Variants in RYR2 observed in about 807,000 individuals in gnomAD.
RYR2 encodes ryanodine receptor 2, also known as cardiac muscle ryanodine receptor-calcium release channel.
Under a neutral mutation model 601.1 loss-of-function variants are expected in RYR2, and 227 were observed. The ratio of observed to expected loss-of-function variants is 0.38; its 90% CI spans 0.34 to 0.42. The LOEUF (loss-of-function observed/expected upper bound fraction) is 0.42, where lower values mean the gene tolerates loss of function less well. Ranked by LOEUF, RYR2 falls within the 10% of genes least tolerant of loss-of-function variation. The pLI, the probability that RYR2 is intolerant of heterozygous loss-of-function variation, is 1.00. For missense variants in RYR2, 4,646 were observed against 6,156.5 expected (o/e 0.75, Z 8.21); for synonymous variants, 2,223 against 2,175.1 (o/e 1.02, Z -0.61).
chr1:237,705,358 T>C lies in RYR2; in HGVS notation c.9580+15T>C. ...AGAAAGAGCAGGTAACACAGAAACA[T>C]GTGCAGTGCTTTGAGATATGAAGCT... On this transcript the variant is annotated intron_variant, in intron 67 of 104. Coordinates refer to ENST00000366574, the MANE Select transcript of RYR2 (RefSeq NM_001035.3). 1 of 1,594,924 alleles carries C rather than the reference T, an allele frequency of 6.3e-7. No individual in the cohort carries two copies. The highest frequency in any genetic ancestry group is 2.2e-5 in the East Asian group (1 of 44,532).
intron 36 of RYR2, 124 bp from the exon 37 acceptor site, chr1:237,613,915 C>A: frequency 1.2e-6 from 1 of 816,198 alleles, no homozygotes; most frequent in Non-Finnish European, 1.9e-6. Flanking sequence ...GATGTTCAAC[C>A]TGCAGTGTCT....
Position 237,217,127 on chromosome 1 carries a change from C to A in RYR2, c.49-53370C>A, listed in dbSNP as rs140414567. On this transcript the variant is annotated intron_variant, in intron 1 of 104. Coordinates refer to ENST00000366574, the MANE Select transcript of RYR2 (RefSeq NM_001035.3). ...AGGAAGGGTGGCTTTTCTGGGGAGG[C>A]TTTTCTGATGGGGACCTCGACTGGT... Among the ~76,000 whole-genome samples, 563 of 152,220 alleles carry A rather than the reference C, an allele frequency of 3.7e-3. 3 individuals are homozygous for A. The highest frequency in any genetic ancestry group is 0.013 in the African/African-American group (532 of 41,524).
chr1:237,331,861 C>A (rs974660337), intron 3 of RYR2, among the ~76,000 whole-genome samples: 1 of 152,012 alleles, frequency 6.6e-6, no homozygotes. Flanking sequence ...TCTTTCAAAG[C>A]CTATTTGGTT....
At chr1:237,663,498 A>G (rs1684001037) in intron 56 of RYR2, among the ~76,000 whole-genome samples, 1 of 152,332 alleles carries the variant, frequency 6.6e-6, no homozygotes, top group African/African-American at 2.4e-5. Flanking sequence ...TAACGGCAGT[A>G]TCTGGCACAG....
rs961808445 is a variant in RYR2 at position 237,833,483 on chromosome 1, C to T, written c.*836C>T. The T allele has an allele frequency of 2.0e-5, 3 of 151,676 alleles. No individual in the cohort carries two copies. Among genetic ancestry groups the T allele is most frequent in the African/African-American group, 7.3e-5 (3 of 41,044 alleles). The allele number at this position is 151,676 out of a possible 1,614,324, so 9.4% of individuals were successfully genotyped here. On this transcript the variant is annotated 3_prime_UTR_variant, in exon 105 of 105. Coordinates refer to ENST00000366574, the MANE Select transcript of RYR2 (RefSeq NM_001035.3). ...CAAAAAATACACTTTCAAAAGAAAC[C>T]ATTCATTGCATGTTTATTATGCAAG...
rs117699183 is a variant in RYR2, at chr1:237,674,613, A to G, written c.8715-118A>G. On this transcript the variant is annotated intron_variant, in intron 59 of 104. Coordinates refer to ENST00000366574, the MANE Select transcript of RYR2 (RefSeq NM_001035.3). ...TAACATTAGAAAAACTTCAAAATTT[A>G]TATATATAGATAAACATATATGTAT... is the stretch of plus-strand genomic sequence containing the variant. 2,809 of 487,884 alleles carry G rather than the reference A, an allele frequency of 5.8e-3. 92 individuals carry two copies. Among genetic ancestry groups the G allele is most frequent in the Admixed American group, 0.057 (1,570 of 27,486 alleles). 30.2% of individuals were successfully genotyped at this position (487,884 alleles called of 1,614,324 possible).
In RYR2 at chr1:237,503,344, G is replaced by C; in HGVS notation, c.2452G>C (p.Gly818Arg). ...HGEFKFLPPP[G>R]YAPCYEAVLP... The stretch of plus-strand genomic sequence containing the variant: ...AGAATTCAAATTTCTTCCTCCACCT[G>C]GGTATGCTCCTTGTTATGAAGCTGT... Residue 818 changes from glycine (G) to arginine (R), a missense_variant, in exon 22 of 105, where the codon GGG becomes CGG. Physicochemically the swap from Gly to Arg is moderately radical, Grantham distance 125. Coordinates refer to ENST00000366574, the MANE Select transcript of RYR2 (RefSeq NM_001035.3). 6.2e-7 allele frequency: 1 copy of C among 1,613,846 alleles called. No homozygotes were observed. The highest frequency in any genetic ancestry group is 8.5e-7 in the Non-Finnish European group (1 of 1,179,858).
intron 49 of RYR2, among the ~76,000 whole-genome samples, chr1:237,649,570 T>C (rs980498661): frequency 1.3e-5 from 2 of 152,194 alleles, no homozygotes; most frequent in African/African-American, 4.8e-5. Flanking sequence ...ATCTGTGATA[T>C]TATTGTCTTC....
chr1:237,218,974 C>T (rs1683486449), intron 1 of RYR2, among the ~76,000 whole-genome samples: 3 of 151,898 alleles, frequency 2.0e-5, no homozygotes, highest in South Asian at 2.1e-4. Context: ...TAGCGGCTGA[C>T]CCACGTGATC....
chr1:237,130,247 C>T (rs1672015617), intron 1 of RYR2, among the ~76,000 whole-genome samples: 1 of 152,028 alleles, frequency 6.6e-6, no homozygotes, highest in African/African-American at 2.4e-5. Context: ...CTTTATAAAA[C>T]TGGGGGAAGA....
chr1:237,367,130 G>A (rs1004053305), intron 5 of RYR2, among the ~76,000 whole-genome samples: 8 of 152,016 alleles, frequency 5.3e-5, no homozygotes, highest in African/African-American at 7.2e-5. Context: ...ATCTCGCTCT[G>A]TTGCCCAGGC....
chr1:237,239,387 C>T (rs186644957), intron 1 of RYR2, among the ~76,000 whole-genome samples: 37 of 152,150 alleles, frequency 2.4e-4, no homozygotes, highest in African/African-American at 6.3e-4. Flanking sequence ...GTGAAATGCA[C>T]GGGGTTTTAT....
chr1:237,674,713 T>G lies in RYR2; in HGVS notation c.8715-18T>G. The G allele has an allele frequency of 6.7e-7, 1 of 1,488,286 alleles. No homozygotes were observed. The highest frequency in any genetic ancestry group is 2.3e-5 in the East Asian group (1 of 44,190). The allele number at this position is 1,488,286 out of a possible 1,614,324, so 92.2% of individuals were successfully genotyped here. On this transcript the variant is annotated intron_variant, in intron 59 of 104. Coordinates refer to ENST00000366574, the MANE Select transcript of RYR2 (RefSeq NM_001035.3). Reference sequence around the variant, plus strand: ...CTTTGTACAAATTGCTTTCCCATTTTCATTTTTGCTCTTCCAGAGGATTTA... The same window carrying G: ...CTTTGTACAAATTGCTTTCCCATTTGCATTTTTGCTCTTCCAGAGGATTTA...
intron 2 of RYR2, among the ~76,000 whole-genome samples, chr1:237,281,835 A>G (rs562587539): frequency 6.6e-6 from 1 of 152,374 alleles, no homozygotes; most frequent in South Asian, 2.1e-4. Context: ...TTGTAATAAC[A>G]GAGAACAGAA....
At chr1:237,331,991 T>G (rs1201652634) in intron 3 of RYR2, among the ~76,000 whole-genome samples, 1 of 152,178 alleles carries the variant, frequency 6.6e-6, no homozygotes, top group Non-Finnish European at 1.5e-5. Flanking sequence ...GTTTCCAGGT[T>G]TTTTAATTTT....
At chr1:237,593,350 A>G in intron 32 of RYR2, 126 bp from the exon 33 acceptor site, 5 of 850,880 alleles carry the variant, frequency 5.9e-6, no homozygotes, top group Non-Finnish European at 8.6e-6. Context: ...CATTCACCCA[A>G]ACGGTTTTAA....
chr1:237,234,991 T>G (rs1054854763), intron 1 of RYR2, among the ~76,000 whole-genome samples: 2 of 152,116 alleles, frequency 1.3e-5, no homozygotes, highest in Non-Finnish European at 2.9e-5. Flanking sequence ...AAAGCACTGA[T>G]GTAGTAACCC....
intron 41 of RYR2, among the ~76,000 whole-genome samples, chr1:237,629,554 A>C (rs574061076): frequency 5.3e-5 from 8 of 152,210 alleles, no homozygotes; most frequent in Non-Finnish European, 1.0e-4. Context: ...AAAAAAGCTG[A>C]TGTAGTTACA....
intron 1 of RYR2, among the ~76,000 whole-genome samples, chr1:237,148,549 TATATAC>T (rs1319728574): frequency 5.1e-4 from 67 of 130,212 alleles, no homozygotes; most frequent in African/African-American, 2.0e-3. Flanking sequence ...TATATATATA[TATATAC>T]ACACACACAT....
Sources: allele counts gnomAD v4.1 joint callset (sites outside exome capture counted in the v4.1 genomes callset), GRCh38; gene constraint gnomAD v4.1.1; transcripts MANE v1.5; gene names NCBI Gene and HGNC (gene_info 2026-07-23, HGNC 2026-07-21).